Variants in ACBD6 observed in about 807,000 individuals in gnomAD.
ACBD6 encodes the protein acyl-CoA-binding domain-containing protein 6.
Under a neutral mutation model 37.2 loss-of-function variants are expected in ACBD6, and 28 were observed. That is an observed-to-expected ratio of 0.75 (90% confidence interval 0.56 to 1.03). The LOEUF (loss-of-function observed/expected upper bound fraction) is 1.03, where lower values mean the gene tolerates loss of function less well. Ranked by LOEUF, ACBD6 falls within the 50% of genes least tolerant of loss-of-function variation. The pLI is 0.00. For synonymous variants in ACBD6, 113 were observed against 126.8 expected (o/e 0.89, Z 0.73); for missense variants, 340 against 337.4 (o/e 1.01, Z -0.06).
At chr1:180,482,363 C>T (rs1308950476) in intron 3 of ACBD6, among the ~76,000 whole-genome samples, 1 of 152,128 alleles carries the variant, frequency 6.6e-6, no homozygotes, top group Non-Finnish European at 1.5e-5. Flanking sequence ...AGTGTCAGTT[C>T]TCCCATCTAT....
intron 6 of ACBD6, among the ~76,000 whole-genome samples, chr1:180,394,385 T>C (rs1436850564): frequency 6.8e-6 from 1 of 147,814 alleles, no homozygotes; most frequent in East Asian, 1.9e-4. Context: ...CCATCACATC[T>C]GGCCAGTTTT....
chr1:180,320,031 T>C (rs1261413791), intron 6 of ACBD6, among the ~76,000 whole-genome samples: 3 of 152,218 alleles, frequency 2.0e-5, no homozygotes, highest in Non-Finnish European at 4.4e-5. Context: ...AGCAGTGGGA[T>C]TGCTGGATCC....
intron 7 of ACBD6, among the ~76,000 whole-genome samples, chr1:180,298,593 AG>A (rs1650008331): frequency 6.6e-6 from 1 of 152,212 alleles, no homozygotes; most frequent in Non-Finnish European, 1.5e-5. Context: ...TTCCACATCT[AG>A]GGAACTCTAG....
At chr1:180,306,867 G>A (rs1446322864) in intron 7 of ACBD6, among the ~76,000 whole-genome samples, 3 of 152,142 alleles carry the variant, frequency 2.0e-5, no homozygotes, top group African/African-American at 7.2e-5. Context: ...AAATGCTGGC[G>A]AGGATGTGGA....
At chr1:180,418,460 TCCTA>T (rs1437673337) in intron 4 of ACBD6, among the ~76,000 whole-genome samples, 1 of 152,006 alleles carries the variant, frequency 6.6e-6, no homozygotes, top group Non-Finnish European at 1.5e-5. Flanking sequence ...GTGCCTGTAG[TCCTA>T]CCTATTTGGG....
chr1:180,359,570 A>G (rs528939440), intron 6 of ACBD6, among the ~76,000 whole-genome samples: 3 of 152,230 alleles, frequency 2.0e-5, no homozygotes, highest in Non-Finnish European at 4.4e-5. Context: ...AGTGTTAAAC[A>G]AAAGAAAATT....
chr1:180,419,837 C>T (rs1002828152), intron 4 of ACBD6, among the ~76,000 whole-genome samples: 2 of 152,198 alleles, frequency 1.3e-5, no homozygotes, highest in Admixed American at 1.3e-4. Flanking sequence ...CTTGCTGTCT[C>T]AGCACTGGCA....
intron 6 of ACBD6, among the ~76,000 whole-genome samples, chr1:180,365,041 C>T (rs1363742266): frequency 6.6e-6 from 1 of 152,066 alleles, no homozygotes; most frequent in Non-Finnish European, 1.5e-5. Flanking sequence ...CCAATTCCTA[C>T]TTTTAAGATT....
chr1:180,275,480 C>G (rs760506914), intron 9 of ACBD6: 1 of 152,244 alleles, frequency 6.6e-6, no homozygotes, highest in Non-Finnish European at 1.5e-5. Context: ...GGATTCCAAA[C>G]CTGCAGTCTG....
chr1:180,376,852 T>A (rs539248272), intron 6 of ACBD6, among the ~76,000 whole-genome samples: 4 of 152,116 alleles, frequency 2.6e-5, no homozygotes, highest in Admixed American at 2.6e-4. Context: ...AAACAAAACA[T>A]TAAAGCCAAC....
chr1:180,500,521 C>T (rs1356531623), intron 1 of ACBD6, among the ~76,000 whole-genome samples: 1 of 149,992 alleles, frequency 6.7e-6, no homozygotes, highest in South Asian at 2.1e-4. Flanking sequence ...GATGAAACCC[C>T]GTCTCTTCTA....
intron 3 of ACBD6, among the ~76,000 whole-genome samples, chr1:180,458,848 T>C (rs534313174): frequency 3.9e-5 from 6 of 152,318 alleles, no homozygotes; most frequent in Admixed American, 2.6e-4. Flanking sequence ...CTAAAAAGTC[T>C]GGCATAAAAT....
chr1:180,320,314 A>G (rs182972631), intron 6 of ACBD6, among the ~76,000 whole-genome samples: 3 of 152,244 alleles, frequency 2.0e-5, no homozygotes, highest in Admixed American at 2.0e-4. Context: ...TTTGAGAAAG[A>G]TCTATTCAAA....
At chr1:180,287,734 T>C (rs1649550767), downstream of ACBD6, among the ~76,000 whole-genome samples, 1 of 152,104 alleles carries the variant, frequency 6.6e-6, no homozygotes, top group African/African-American at 2.4e-5. Context: ...CCAGAATCTG[T>C]TTCAATCCTA....
chr1:180,485,959 G>T (rs1651248082), intron 3 of ACBD6, among the ~76,000 whole-genome samples: 1 of 151,090 alleles, frequency 6.6e-6, no homozygotes, highest in African/African-American at 2.4e-5. Context: ...AAAAAAAAAT[G>T]ATTTTAATGG....
chr1:180,448,936 C>T (rs1649586403), intron 3 of ACBD6, among the ~76,000 whole-genome samples: 1 of 152,060 alleles, frequency 6.6e-6, no homozygotes, highest in Non-Finnish European at 1.5e-5. Context: ...TTATGCTATC[C>T]TAGTTATTCT....
At chr1:180,336,702 C>A (rs1237496313) in intron 6 of ACBD6, among the ~76,000 whole-genome samples, 1 of 151,690 alleles carries the variant, frequency 6.6e-6, no homozygotes, top group Admixed American at 6.6e-5. Context: ...AAAAACCCTT[C>A]AAAAACTCAA....
At chr1:180,280,514 C>T (rs919618732) in intron 9 of ACBD6, among the ~76,000 whole-genome samples, 5 of 152,274 alleles carry the variant, frequency 3.3e-5, no homozygotes, top group South Asian at 2.1e-4. Context: ...CCACTTAAAC[C>T]GGAAAGTTAG....
At chr1:180,328,378 C>T (rs1272349253) in intron 6 of ACBD6, among the ~76,000 whole-genome samples, 1 of 151,498 alleles carries the variant, frequency 6.6e-6, no homozygotes, top group Non-Finnish European at 1.5e-5. Flanking sequence ...TATATATACA[C>T]ACATATATAT....
Sources: allele counts gnomAD v4.1 joint callset (sites outside exome capture counted in the v4.1 genomes callset), GRCh38; gene constraint gnomAD v4.1.1; transcripts MANE v1.5; gene names NCBI Gene and HGNC (gene_info 2026-07-23, HGNC 2026-07-21).